ERBB4: variants seen among roughly 807,000 people sequenced by gnomAD.
The protein encoded by ERBB4 is erb-b2 receptor tyrosine kinase 4.
A neutral mutation model predicts 158.0 loss-of-function variants in ERBB4; 42 were observed. The ratio of observed to expected loss-of-function variants is 0.27; its 90% CI spans 0.21 to 0.34. ERBB4 has a LOEUF of 0.34. Among genes scored for constraint, ERBB4 ranks in the 10% least tolerant of loss-of-function variants. The probability of loss-of-function intolerance (pLI) is 1.00; values close to 1 mark genes in which losing one functional copy is unlikely to be tolerated. For synonymous variants in ERBB4, 583 were observed against 558.7 expected (o/e 1.04, Z -0.61); for missense variants, 1,333 against 1,624.1 (o/e 0.82, Z 3.08).
At chr2:211,536,610 A>C (rs888064724) in intron 20 of ERBB4, among the ~76,000 whole-genome samples, 1 of 152,060 alleles carries the variant, frequency 6.6e-6, no homozygotes, top group Non-Finnish European at 1.5e-5. Flanking sequence ...AAAAGGGAGA[A>C]ATATATAGAA....
intron 1 of ERBB4, among the ~76,000 whole-genome samples, chr2:212,178,311 A>AACACCCC: frequency 6.6e-6 from 1 of 151,778 alleles, no homozygotes; most frequent in African/African-American, 2.4e-5. Flanking sequence ...TGGAAAAGCA[A>AACACCCC]TTAAGAGGAC....
intron 1 of ERBB4, among the ~76,000 whole-genome samples, chr2:212,201,819 T>C (rs1227133344): frequency 1.3e-5 from 2 of 152,218 alleles, no homozygotes; most frequent in Non-Finnish European, 2.9e-5. Flanking sequence ...TCTTTGAGTG[T>C]TGTCTCTCTT....
At chr2:212,210,022 G>T (rs2082883987) in intron 1 of ERBB4, among the ~76,000 whole-genome samples, 2 of 151,994 alleles carry the variant, frequency 1.3e-5, no homozygotes, top group African/African-American at 4.8e-5. Context: ...AAGATAACTT[G>T]CTCAGAAAGG....
intron 2 of ERBB4, among the ~76,000 whole-genome samples, chr2:212,051,749 A>G (rs1019875742): frequency 6.6e-5 from 10 of 152,120 alleles, no homozygotes; most frequent in Non-Finnish European, 1.5e-4. Context: ...TTCACTCATC[A>G]TGTCCTATTT....
chr2:212,078,600 T>G (rs559556651), intron 2 of ERBB4, among the ~76,000 whole-genome samples: 5 of 151,980 alleles, frequency 3.3e-5, no homozygotes, highest in East Asian at 1.9e-4. Flanking sequence ...TTTTGTGGTG[T>G]TGTATTTTTC....
intron 3 of ERBB4, among the ~76,000 whole-genome samples, chr2:211,906,559 C>A (rs2079399431): frequency 6.8e-6 from 1 of 147,476 alleles, no homozygotes; most frequent in Non-Finnish European, 1.5e-5. Context: ...TCATAAATAT[C>A]TTTTATCAGG....
At chr2:211,863,376 G>A (rs2078118908) in intron 3 of ERBB4, among the ~76,000 whole-genome samples, 1 of 152,232 alleles carries the variant, frequency 6.6e-6, no homozygotes, top group South Asian at 2.1e-4. Context: ...GCCAGAAGCA[G>A]CAACCCACTC....
chr2:212,004,743 T>G (rs2076220271), intron 2 of ERBB4, among the ~76,000 whole-genome samples: 1 of 152,120 alleles, frequency 6.6e-6, no homozygotes, highest in African/African-American at 2.4e-5. Flanking sequence ...ATTTCTTCAA[T>G]GCTGCCACAC....
intron 18 of ERBB4, among the ~76,000 whole-genome samples, chr2:211,622,176 A>T (rs2069629907): frequency 6.6e-6 from 1 of 152,212 alleles, no homozygotes; most frequent in Admixed American, 6.5e-5. Context: ...TACAGATTAA[A>T]ATTATTAAAG....
chr2:212,509,846 ATGAG>A (rs974141619), intron 1 of ERBB4, among the ~76,000 whole-genome samples: 2 of 151,908 alleles, frequency 1.3e-5, no homozygotes, highest in African/African-American at 4.8e-5. Context: ...AAGTTATGAT[ATGAG>A]TTTCATTTTC....
intron 2 of ERBB4, among the ~76,000 whole-genome samples, chr2:212,094,143 A>C (rs900246738): frequency 1.3e-5 from 2 of 151,948 alleles, no homozygotes; most frequent in South Asian, 4.1e-4. Context: ...GCCTGGTGGG[A>C]GGCTTTTCAC....
intron 13 of ERBB4, among the ~76,000 whole-genome samples, chr2:211,674,701 G>C (rs2071984709): frequency 6.6e-6 from 1 of 152,078 alleles, no homozygotes; most frequent in Non-Finnish European, 1.5e-5. Flanking sequence ...AAGTCCAAAT[G>C]AATTGGTATG....
chr2:211,400,134 GT>G (rs1160839008), intron 25 of ERBB4, among the ~76,000 whole-genome samples: 7 of 152,080 alleles, frequency 4.6e-5, no homozygotes, highest in Non-Finnish European at 8.8e-5. Context: ...GAAAAGGACG[GT>G]CATCCAACAG....
intron 12 of ERBB4, among the ~76,000 whole-genome samples, chr2:211,683,438 T>C (rs955911583): frequency 1.3e-5 from 2 of 152,194 alleles, no homozygotes; most frequent in Admixed American, 6.5e-5. Flanking sequence ...TTGTACAGTA[T>C]GTAATTTTTC....
intron 1 of ERBB4, among the ~76,000 whole-genome samples, chr2:212,276,131 C>A (rs1232947201): frequency 6.6e-6 from 1 of 151,776 alleles, no homozygotes; most frequent in Non-Finnish European, 1.5e-5. Flanking sequence ...TATTTCATCA[C>A]AAACAAAAGA....
chr2:212,484,235 G>T (rs139384570), intron 1 of ERBB4, among the ~76,000 whole-genome samples: 1 of 152,148 alleles, frequency 6.6e-6, no homozygotes, highest in African/African-American at 2.4e-5. Flanking sequence ...TAAGTGAAGG[G>T]ACAATAATAG....
Position 211,938,609 on chromosome 2 carries a change from T to C in ERBB4, c.421+8821A>G, listed in dbSNP as rs567999636. 1.1e-4 allele frequency among the ~76,000 whole-genome samples: 16 copies of C among 152,266 alleles called. No individual in the cohort carries two copies. The East Asian group carries it at 3.1e-3, about 29-fold the overall frequency. ...TCTGTTGTGTGGCACATATTGAATATTGCTATCATCCCAATAAAGTTCTAT... is the reference window on the plus strand; with the variant it reads ...TCTGTTGTGTGGCACATATTGAATACTGCTATCATCCCAATAAAGTTCTAT... On this transcript the variant is annotated intron_variant, in intron 3 of 27. Transcript: ENST00000342788.
intron 3 of ERBB4, among the ~76,000 whole-genome samples, chr2:211,826,195 T>C (rs115579087): frequency 1.7e-4 from 26 of 151,786 alleles, no homozygotes; most frequent in African/African-American, 6.0e-4. Flanking sequence ...ATAAGGAGAA[T>C]TGCACAAAAT....
At chr2:212,036,065 A>T in intron 2 of ERBB4, among the ~76,000 whole-genome samples, 1 of 152,320 alleles carries the variant, frequency 6.6e-6, no homozygotes, top group African/African-American at 2.4e-5. Flanking sequence ...TATCCATTAT[A>T]TATCAATAAT....
Sources: allele counts gnomAD v4.1 joint callset (sites outside exome capture counted in the v4.1 genomes callset), GRCh38; gene constraint gnomAD v4.1.1; transcripts MANE v1.5; gene names NCBI Gene and HGNC (gene_info 2026-07-23, HGNC 2026-07-21).